PRRC2B: variants seen among roughly 807,000 people sequenced by gnomAD.
PRRC2B encodes proline rich coiled-coil 2B, also known as protein PRRC2B.
A neutral mutation model predicts 242.3 loss-of-function variants in PRRC2B; 68 were observed. The ratio of observed to expected loss-of-function variants is 0.28; its 90% CI spans 0.23 to 0.34. The LOEUF is 0.34. Ranked by LOEUF, PRRC2B falls within the 10% of genes least tolerant of loss-of-function variation. PRRC2B has a pLI of 1.00. For missense variants in PRRC2B, 2,835 were observed against 2,954.8 expected, an observed-to-expected ratio of 0.96 and a Z score of 0.94; for synonymous variants, 1,228 against 1,173.6, an observed-to-expected ratio of 1.05 and a Z score of -0.95.
At chr9:131,478,673 C>A in intron 18 of PRRC2B, 54 bp downstream of exon 18, 1 of 1,318,978 alleles carries the variant, frequency 7.6e-7, no homozygotes. Flanking sequence ...TGGCAGATGC[C>A]CAGGAAACCC....
intron 28 of PRRC2B, among the ~76,000 whole-genome samples, chr9:131,489,184 CTTTTTTTT>C (rs558036228): frequency 7.6e-6 from 1 of 131,646 alleles, no homozygotes; most frequent in Admixed American, 7.7e-5. Flanking sequence ...CTCCAAAATT[CTTTTTTTT>C]TTTTTTTTTT....
intron 19 of PRRC2B, 87 bp from the exon 20 acceptor site, chr9:131,481,639 T>C: frequency 2.8e-6 from 3 of 1,079,828 alleles, no homozygotes; most frequent in Admixed American, 2.0e-5. Flanking sequence ...TTCTGCAAGC[T>C]GTGCCTGTGC....
At chr9:131,448,901 G>C (rs1838920399) in intron 9 of PRRC2B, among the ~76,000 whole-genome samples, 2 of 152,088 alleles carry the variant, frequency 1.3e-5, no homozygotes, top group African/African-American at 4.8e-5. Flanking sequence ...CATATCCAGA[G>C]AAAGAGGGAA....
intron 11 of PRRC2B, among the ~76,000 whole-genome samples, chr9:131,463,779 C>T (rs1056488173): frequency 6.6e-6 from 1 of 151,730 alleles, no homozygotes; most frequent in African/African-American, 2.4e-5. Flanking sequence ...TGCCCATCCC[C>T]AACTAATTTT....
intron 1 of PRRC2B, among the ~76,000 whole-genome samples, chr9:131,417,850 T>A (rs1289664491): frequency 6.6e-6 from 1 of 152,222 alleles, no homozygotes; most frequent in East Asian, 1.9e-4. Flanking sequence ...GGGAGTATTT[T>A]TGTCCGAGCA....
Position 131,476,367 on chromosome 9 carries a change from A to G in PRRC2B, c.4238A>G (p.Lys1413Arg). Residue 1413 changes from lysine to arginine, a missense_variant, in exon 16 of 32, where the codon AAG becomes AGG. Lys to Arg is a conservative substitution (Grantham distance 26). Coordinates refer to ENST00000683519, the MANE Select transcript of PRRC2B (RefSeq NM_013318.4). ...CTGTCGGGGGCTAGTTTGGGTGAGA[A>G]GAAGGAGCTGGCCAAGAGGAGCTTC... ...GGLSGASLGEKKELAKRSFSS... is the reference protein window; with the variant it reads ...GGLSGASLGERKELAKRSFSS... 1 of 1,598,546 alleles carries G rather than the reference A, an allele frequency of 6.3e-7. No individual in the cohort carries two copies. Among genetic ancestry groups the G allele is most frequent in the Non-Finnish European group, 8.5e-7 (1 of 1,172,522 alleles).
chr9:131,374,221 G>A (rs1836653954), intron 1 of PRRC2B, among the ~76,000 whole-genome samples: 2 of 151,946 alleles, frequency 1.3e-5, no homozygotes, highest in African/African-American at 4.8e-5. Context: ...AAATACCAAA[G>A]AAAATCACTC....
chr9:131,399,285 A>AAT (rs1837157073), intron 1 of PRRC2B, among the ~76,000 whole-genome samples: 1 of 146,964 alleles, frequency 6.8e-6, no homozygotes, highest in Non-Finnish European at 1.5e-5. Flanking sequence ...TCAAAAAAAA[A>AAT]AAAAAAAAAA....
intron 28 of PRRC2B, chr9:131,490,472 C>A (rs1243721380): frequency 1.9e-6 from 1 of 519,122 alleles, no homozygotes. Context: ...TTTTGCGGCT[C>A]TGGCCACCAC....
chr9:131,464,457 G>A (rs1052496493), intron 11 of PRRC2B, among the ~76,000 whole-genome samples: 6 of 152,136 alleles, frequency 3.9e-5, no homozygotes, highest in Non-Finnish European at 8.8e-5. Context: ...AGTGTTTGTC[G>A]TGTGCGGGTC....
chr9:131,490,730 C>T, intron 28 of PRRC2B: 5 of 393,420 alleles, frequency 1.3e-5, no homozygotes, highest in South Asian at 9.2e-5. Context: ...AGTCTGGAAT[C>T]CAGCCCAGTC....
intron 28 of PRRC2B, chr9:131,490,896 C>T: frequency 6.4e-6 from 2 of 314,670 alleles, no homozygotes; most frequent in South Asian, 5.5e-5. Context: ...TCCTTGCCCA[C>T]CCCGCCCCGT....
chr9:131,408,326 A>G (rs1308071036), intron 1 of PRRC2B, among the ~76,000 whole-genome samples: 1 of 152,256 alleles, frequency 6.6e-6, no homozygotes, highest in Non-Finnish European at 1.5e-5. Context: ...TGGCCCCAGC[A>G]TGTAAAGATA....
chr9:131,473,772 A>G (rs552929001), intron 15 of PRRC2B, 48 bp downstream of exon 15: 4 of 1,467,140 alleles, frequency 2.7e-6, no homozygotes, highest in African/African-American at 2.8e-5. Context: ...GGAGGACTCC[A>G]GGTCCTAATT....
Position 131,495,693 on chromosome 9 carries a change from G to A in PRRC2B, c.6556-47G>A, listed in dbSNP as rs114841866. On this transcript the variant is annotated intron_variant, in intron 31 of 31. Transcript: ENST00000683519. ...TGGTGGGAACTATGTATCCAAACAC[G>A]TTTCAGCGTCAGGGTCACTTTGTTT... 7.8e-4 allele frequency: 1,242 copies of A among 1,583,314 alleles called. 2 individuals carry two copies. In the African/African-American group the frequency reaches 0.011, roughly 14 times the overall value.
chr9:131,438,906 T>C (rs1838463452), intron 4 of PRRC2B, 83 bp from the exon 5 acceptor site: 1 of 1,074,064 alleles, frequency 9.3e-7, no homozygotes, highest in East Asian at 2.6e-5. Context: ...GGTGCTGGCC[T>C]CTCAGCACCT....
chr9:131,416,633 C>A (rs186354014), intron 1 of PRRC2B, among the ~76,000 whole-genome samples: 1 of 149,238 alleles, frequency 6.7e-6, no homozygotes, highest in East Asian at 1.9e-4. Flanking sequence ...TTTTTTTTTC[C>A]GTTCTAGGAT....
At position 131,476,474 on chromosome 9, in the gene PRRC2B, G is replaced by A. The variant is rs765429467; in HGVS notation, c.4345G>A (p.Gly1449Ser). 1.2e-6 allele frequency: 2 copies of A among 1,612,858 alleles called. No homozygotes were observed. Among genetic ancestry groups the A allele is most frequent in the South Asian group, 1.1e-5 (1 of 91,010 alleles). ...GFGEKPVRPG[G>S]GDTSPRYESQ... ...TGGGGAGAAGCCCGTTAGGCCAGGT[G>A]GTGGTGACACCTCCCCTCGCTATGA... Residue 1449 changes from glycine (G) to serine (S), a missense_variant, in exon 16 of 32, where the codon GGT (glycine) becomes AGT (serine). Around this residue, in one of 7 missense-constraint regions of PRRC2B, gnomAD observed 1,536 missense variants for 1,483.1 expected, o/e 1.04. Transcript: ENST00000683519.
At chr9:131,478,429 C>T (rs375584821) in intron 17 of PRRC2B, 45 bp from the exon 18 acceptor site, 1 of 1,595,672 alleles carries the variant, frequency 6.3e-7, no homozygotes, top group Non-Finnish European at 8.6e-7. Context: ...TTCTTGTCTC[C>T]TGGTGAGTGG....
Sources: allele counts gnomAD v4.1 joint callset (sites outside exome capture counted in the v4.1 genomes callset), GRCh38; gene constraint gnomAD v4.1.1; regional missense constraint gnomAD v4.1.1; transcripts MANE v1.5; gene names NCBI Gene and HGNC (gene_info 2026-07-23, HGNC 2026-07-21).